ACOT13: variants seen among roughly 807,000 people sequenced by gnomAD.
ACOT13 encodes the protein acyl-coenzyme A thioesterase 13.
A neutral mutation model predicts 11.8 loss-of-function variants in ACOT13; 10 were observed. The ratio of observed to expected loss-of-function variants is 0.85; its 90% CI spans 0.53 to 1.44. The LOEUF is 1.44. Ranked by LOEUF, ACOT13 falls within the 40% of genes most tolerant of loss-of-function variation. The pLI is 0.00. For synonymous variants in ACOT13, 53 were observed against 61.0 expected (o/e 0.87, Z 0.61); for missense variants, 172 against 174.1 (o/e 0.99, Z 0.07).
chr6:24,673,329 T>G (rs1168740451), intron 1 of ACOT13, among the ~76,000 whole-genome samples: 1 of 152,152 alleles, frequency 6.6e-6, no homozygotes. Context: ...CAATAAAAAT[T>G]GAACTTTCAG....
At chr6:24,682,335 T>C (rs1778564973) in intron 1 of ACOT13, among the ~76,000 whole-genome samples, 1 of 152,196 alleles carries the variant, frequency 6.6e-6, no homozygotes, top group Non-Finnish European at 1.5e-5. Context: ...AAGATGGTTG[T>C]GGGCCACTTC....
intron 1 of ACOT13, among the ~76,000 whole-genome samples, chr6:24,677,554 G>A (rs193077070): frequency 1.5e-4 from 23 of 152,254 alleles, no homozygotes; most frequent in African/African-American, 4.8e-4. Flanking sequence ...CTGGTCCCTC[G>A]GACCTGTATA....
chr6:24,701,790 T>C lies in ACOT13; in HGVS notation c.*175T>C, dbSNP rs1288478173. ...AAGGTGGGGGTGTCTTTTTTCACTT[T>C]AAGCATCTTGTTTTCTAATCATGTG... On this transcript the variant is annotated 3_prime_UTR_variant, in exon 3 of 3. Coordinates refer to ENST00000230048, the MANE Select transcript of ACOT13 (RefSeq NM_018473.4). 2.3e-5 allele frequency: 13 copies of C among 557,712 alleles called. No homozygotes were observed. The highest frequency in any genetic ancestry group is 1.0e-3 in the Middle Eastern group (2 of 1,956). 34.5% of individuals were successfully genotyped at this position (557,712 alleles called of 1,614,324 possible).
chr6:24,670,903 C>T lies in ACOT13; in HGVS notation c.81+3559C>T, dbSNP rs557009965. On this transcript the variant is annotated intron_variant, in intron 1 of 2. Coordinates refer to ENST00000230048, the MANE Select transcript of ACOT13 (RefSeq NM_018473.4). ...CTCTCCATGAGTTCTGAAAGTTTTT[C>T]CTCTATTCTCATGTAACAATCTCCA... Among the ~76,000 whole-genome samples, 10 of 152,164 alleles carry T rather than the reference C, an allele frequency of 6.6e-5. No individual in the cohort carries two copies. In the South Asian group the frequency reaches 2.1e-3, roughly 32 times the overall value.
intron 2 of ACOT13, among the ~76,000 whole-genome samples, chr6:24,699,575 C>T (rs1778861279): frequency 6.6e-6 from 1 of 152,226 alleles, no homozygotes; most frequent in South Asian, 2.1e-4. Flanking sequence ...AGTCCCTCTT[C>T]ATGGGAATAA....
At chr6:24,695,309 AAAAAAC>A (rs1778776551) in intron 1 of ACOT13, among the ~76,000 whole-genome samples, 1 of 152,132 alleles carries the variant, frequency 6.6e-6, no homozygotes. Context: ...ACTCTGTCTC[AAAAAAC>A]AAAAACAAAA....
At chr6:24,687,700 A>G in intron 1 of ACOT13, 2 of 1,500,688 alleles carry the variant, frequency 1.3e-6, no homozygotes, top group Non-Finnish European at 1.8e-6. Flanking sequence ...AAAGGTAAGA[A>G]TAGAATTTTT....
chr6:24,681,799 A>C (rs745817389), intron 1 of ACOT13, among the ~76,000 whole-genome samples: 1 of 152,180 alleles, frequency 6.6e-6, no homozygotes, highest in African/African-American at 2.4e-5. Flanking sequence ...AGTGTGAACC[A>C]TTAGTACCTA....
At chr6:24,683,189 A>G (rs749243162) in intron 1 of ACOT13, among the ~76,000 whole-genome samples, 1 of 152,200 alleles carries the variant, frequency 6.6e-6, no homozygotes, top group Non-Finnish European at 1.5e-5. Context: ...AGATCCCTTT[A>G]TGGTTACCAA....
At chr6:24,695,608 G>A (rs1018731042) in intron 1 of ACOT13, among the ~76,000 whole-genome samples, 3 of 152,136 alleles carry the variant, frequency 2.0e-5, no homozygotes, top group Non-Finnish European at 2.9e-5. Context: ...CACTGAACCC[G>A]CTAAGAGCAG....
chr6:24,697,797 C>G, intron 1 of ACOT13, 86 bp from the exon 2 acceptor site: 1 of 1,072,560 alleles, frequency 9.3e-7, no homozygotes, highest in Non-Finnish European at 1.3e-6. Flanking sequence ...TCAGAAGATT[C>G]AGTTCAATCC....
chr6:24,667,379 A>G (rs1778277315), intron 1 of ACOT13, 35 bp downstream of exon 1: 1 of 1,589,886 alleles, frequency 6.3e-7, no homozygotes, highest in Non-Finnish European at 8.6e-7. Flanking sequence ...CGTGGCTTCT[A>G]ATGAAGGAAA....
At chr6:24,668,032 C>G (rs190559226) in intron 1 of ACOT13, among the ~76,000 whole-genome samples, 1 of 152,130 alleles carries the variant, frequency 6.6e-6, no homozygotes, top group Non-Finnish European at 1.5e-5. Context: ...ACTCAGCCTC[C>G]CGAGTGGCTG....
At position 24,705,015 on chromosome 6, in the gene ACOT13, G is replaced by C. The variant is rs1562166194; in HGVS notation, c.*3400G>C. The C allele has an allele frequency of 6.8e-6, 1 of 147,006 alleles. No homozygotes were observed. Among genetic ancestry groups the C allele is most frequent in the African/African-American group, 2.5e-5 (1 of 39,564 alleles). 9.1% of individuals were successfully genotyped at this position (147,006 alleles called of 1,614,324 possible). ...TACTCCAAAGGAGTAGGATCATTCA[G>C]ATTTACTCCAATAAAAGTATGCAAC... On this transcript the variant is annotated 3_prime_UTR_variant, in exon 3 of 3. Coordinates refer to ENST00000230048, the MANE Select transcript of ACOT13 (RefSeq NM_018473.4).
Position 24,697,869 on chromosome 6 carries a change from T to C in ACOT13, c.82-14T>C. 1 of 1,577,908 alleles carries C rather than the reference T, an allele frequency of 6.3e-7. No individual in the cohort carries two copies. Among genetic ancestry groups the C allele is most frequent in the Non-Finnish European group, 8.6e-7 (1 of 1,163,958 alleles). ...TACAGAATTAATGTTCAGGATTCTT[T>C]TTTTTACACTTAGATTACTCTTGTC... is the stretch of plus-strand genomic sequence containing the variant. On this transcript the variant is annotated splice_polypyrimidine_tract_variant and intron_variant, in intron 1 of 2. Coordinates refer to ENST00000230048, the MANE Select transcript of ACOT13 (RefSeq NM_018473.4).
chr6:24,667,142 G>A lies in ACOT13; in HGVS notation c.-122G>A, dbSNP rs1778270850. 1.9e-6 allele frequency: 2 copies of A among 1,059,804 alleles called. No individual in the cohort carries two copies. Among genetic ancestry groups the A allele is most frequent in the African/African-American group, 1.6e-5 (1 of 62,644 alleles). The allele number at this position is 1,059,804 out of a possible 1,614,324, so 65.7% of individuals were successfully genotyped here. A position where few individuals can be genotyped will look rare whatever the true frequency, so the allele number is the denominator to read the frequency against. On this transcript the variant is annotated 5_prime_UTR_variant, in exon 1 of 3. Coordinates refer to ENST00000230048, the MANE Select transcript of ACOT13 (RefSeq NM_018473.4). ...GACTCCCGGCCTCTTGCGCTCCTAG[G>A]GGCGGAGAAGGGTGCGGGCTCTTCG... is the stretch of plus-strand genomic sequence containing the variant.
At chr6:24,667,493 C>G in intron 1 of ACOT13, 149 bp downstream of exon 1, 2 of 717,856 alleles carry the variant, frequency 2.8e-6, no homozygotes, top group Non-Finnish European at 2.4e-6. Flanking sequence ...ATGATTATTA[C>G]TTTAATGGAG....
chr6:24,668,268 GAGTGC>G (rs1778297280), intron 1 of ACOT13, among the ~76,000 whole-genome samples: 1 of 151,812 alleles, frequency 6.6e-6, no homozygotes, highest in Admixed American at 6.6e-5. Context: ...GCCCATGCGG[GAGTGC>G]AGTGACACGA....
At chr6:24,679,636 T>C (rs1778514542) in intron 1 of ACOT13, among the ~76,000 whole-genome samples, 1 of 152,256 alleles carries the variant, frequency 6.6e-6, no homozygotes, top group African/African-American at 2.4e-5. Context: ...CACTGGGAAC[T>C]GCCTGCTGGC....
Sources: allele counts gnomAD v4.1 joint callset (sites outside exome capture counted in the v4.1 genomes callset), GRCh38; gene constraint gnomAD v4.1.1; transcripts MANE v1.5; gene names NCBI Gene and HGNC (gene_info 2026-07-23, HGNC 2026-07-21).